Variants in SEMA5A observed in about 807,000 individuals in gnomAD.
The protein encoded by SEMA5A is semaphorin-5A.
In SEMA5A, 55 loss-of-function variants were observed where a neutral mutation model predicts 135.5. That is an observed-to-expected ratio of 0.41 (90% CI 0.33 to 0.51). The LOEUF (loss-of-function observed/expected upper bound fraction) is 0.51. Among genes scored for constraint, SEMA5A ranks in the 20% least tolerant of loss-of-function variants. SEMA5A has a pLI of 0.37. For synonymous variants in SEMA5A, 580 were observed against 546.5 expected, an observed-to-expected ratio of 1.06 and a Z score of -0.85; for missense variants, 1,290 against 1,419.9, an observed-to-expected ratio of 0.91 and a Z score of 1.47.
intron 4 of SEMA5A, among the ~76,000 whole-genome samples, chr5:9,336,181 G>C (rs1290034123): frequency 1.3e-5 from 2 of 152,026 alleles, no homozygotes; most frequent in Non-Finnish European, 2.9e-5. Flanking sequence ...GGTCAGAAGG[G>C]AAAAAGCCCA....
intron 1 of SEMA5A, among the ~76,000 whole-genome samples, chr5:9,466,115 G>A (rs906488114): frequency 6.6e-6 from 1 of 152,130 alleles, no homozygotes; most frequent in Admixed American, 6.5e-5. Context: ...AAGTATCTGA[G>A]TAGCTGTGCA....
chr5:9,364,420 T>C (rs909478731), intron 3 of SEMA5A, among the ~76,000 whole-genome samples: 1 of 152,202 alleles, frequency 6.6e-6, no homozygotes, highest in Non-Finnish European at 1.5e-5. Context: ...ATTCTTTTCA[T>C]CTAATATTTT....
chr5:9,148,335 G>C (rs770984703), intron 12 of SEMA5A, among the ~76,000 whole-genome samples: 1 of 152,014 alleles, frequency 6.6e-6, no homozygotes, highest in Non-Finnish European at 1.5e-5. Context: ...AAATTCATAC[G>C]GCCACCTAAA....
At chr5:9,452,648 A>T (rs1197082962) in intron 1 of SEMA5A, among the ~76,000 whole-genome samples, 1 of 152,218 alleles carries the variant, frequency 6.6e-6, no homozygotes, top group Non-Finnish European at 1.5e-5. Flanking sequence ...ACTTTCTTTT[A>T]GCTTCTAGCC....
intron 1 of SEMA5A, among the ~76,000 whole-genome samples, chr5:9,464,787 G>A (rs1579584586): frequency 2.0e-5 from 3 of 152,154 alleles, no homozygotes; most frequent in South Asian, 4.1e-4. Context: ...AGGATTGCTC[G>A]CTGTGTGGTC....
chr5:9,531,908 A>G (rs989703976), intron 1 of SEMA5A, among the ~76,000 whole-genome samples: 3 of 152,216 alleles, frequency 2.0e-5, no homozygotes, highest in South Asian at 2.1e-4. Flanking sequence ...ATGGGACCCC[A>G]TCATAAGCCC....
chr5:9,305,596 A>G (rs1033563738), intron 5 of SEMA5A, among the ~76,000 whole-genome samples: 2 of 151,932 alleles, frequency 1.3e-5, no homozygotes, highest in Admixed American at 1.3e-4. Context: ...CTGATTAGAT[A>G]CCAACAAAAG....
At chr5:9,267,173 A>AAAAG (rs1347828394) in intron 5 of SEMA5A, among the ~76,000 whole-genome samples, 4 of 151,546 alleles carry the variant, frequency 2.6e-5, no homozygotes, top group African/African-American at 7.2e-5. Context: ...TCACATTCAG[A>AAAAG]AAAGATTAGA....
chr5:9,415,334 T>C (rs897613322), intron 2 of SEMA5A, among the ~76,000 whole-genome samples: 1 of 152,180 alleles, frequency 6.6e-6, no homozygotes, highest in Non-Finnish European at 1.5e-5. Flanking sequence ...AGTTCTCCTA[T>C]CTAATAAAGC....
At chr5:9,062,843 C>A in intron 18 of SEMA5A, 44 bp downstream of exon 18, 1 of 1,597,886 alleles carries the variant, frequency 6.3e-7, no homozygotes, top group Admixed American at 1.7e-5. Context: ...CTCTCCAAGG[C>A]CCTTGAGTTT....
chr5:9,071,920 C>G (rs1196141409), intron 16 of SEMA5A, among the ~76,000 whole-genome samples: 1 of 152,146 alleles, frequency 6.6e-6, no homozygotes, highest in African/African-American at 2.4e-5. Flanking sequence ...CCAAAACACT[C>G]AAGTATCTAC....
chr5:9,483,817 G>A (rs769853645), intron 1 of SEMA5A, among the ~76,000 whole-genome samples: 24 of 152,194 alleles, frequency 1.6e-4, no homozygotes, highest in Non-Finnish European at 2.2e-4. Context: ...AAATAAATAC[G>A]CAAAGCCTTG....
intron 11 of SEMA5A, among the ~76,000 whole-genome samples, chr5:9,185,483 T>C (rs1486716585): frequency 1.3e-5 from 2 of 152,258 alleles, no homozygotes; most frequent in Admixed American, 1.3e-4. Flanking sequence ...GTCTTCTTCC[T>C]TTACATTTCT....
At chr5:9,382,349 A>T (rs908172355) in intron 2 of SEMA5A, among the ~76,000 whole-genome samples, 1 of 152,140 alleles carries the variant, frequency 6.6e-6, no homozygotes, top group African/African-American at 2.4e-5. Context: ...AGGAACTGGA[A>T]GAAAATCCAG....
At chr5:9,112,169 C>A (rs1740278269) in intron 15 of SEMA5A, among the ~76,000 whole-genome samples, 1 of 152,140 alleles carries the variant, frequency 6.6e-6, no homozygotes, top group Non-Finnish European at 1.5e-5. Context: ...CCCATGACTG[C>A]TTATTCTCAT....
chr5:9,165,219 G>A (rs1743536230), intron 11 of SEMA5A, among the ~76,000 whole-genome samples: 1 of 151,758 alleles, frequency 6.6e-6, no homozygotes, highest in Non-Finnish European at 1.5e-5. Flanking sequence ...TCTCTAAGGT[G>A]CAATAAAAAA....
rs371893166 is a variant in SEMA5A at position 9,259,517 on chromosome 5, A to C, written c.271-21627T>G. Among the ~76,000 whole-genome samples, 389 of 151,394 alleles carry C rather than the reference A, an allele frequency of 2.6e-3. 4 individuals are homozygous for C. Among genetic ancestry groups the C allele is most frequent in the African/African-American group, 9.0e-3 (371 of 41,222 alleles). ...ATAGGTGTGGTGTGGTGCTGAAAAA[A>C]ATGTATATTCTGTTGATTTGGGGTG... is the stretch of plus-strand genomic sequence containing the variant. On this transcript the variant is annotated intron_variant, in intron 5 of 22. Coordinates refer to ENST00000382496, the MANE Select transcript of SEMA5A (RefSeq NM_003966.3).
intron 21 of SEMA5A, chr5:9,046,068 C>G (rs1208457274): frequency 6.6e-6 from 1 of 152,262 alleles, no homozygotes; most frequent in East Asian, 1.9e-4. Context: ...TTATCTTCCT[C>G]TGTGTTGTTA....
At chr5:9,395,790 T>C (rs1756370130) in intron 2 of SEMA5A, among the ~76,000 whole-genome samples, 1 of 152,144 alleles carries the variant, frequency 6.6e-6, no homozygotes, top group Non-Finnish European at 1.5e-5. Flanking sequence ...TGATGTGCCT[T>C]CTCTAACATC....
Sources: gnomAD v4.1 joint callset for allele counts (sites outside exome capture counted in the v4.1 genomes callset) on GRCh38, gnomAD v4.1.1 for gene constraint, MANE v1.5 for transcripts, NCBI Gene and HGNC (gene_info 2026-07-23, HGNC 2026-07-21) for gene names.